ANKS1B: variants seen among roughly 807,000 people sequenced by gnomAD.
ANKS1B encodes ankyrin repeat and sterile alpha motif domain containing 1B, also known as ankyrin repeat and sterile alpha motif domain-containing protein 1B.
In ANKS1B, 36 loss-of-function variants were observed where a neutral mutation model predicts 148.3. The ratio of observed to expected loss-of-function variants is 0.24; its 90% CI spans 0.19 to 0.32. The LOEUF is 0.32. Among genes scored for constraint, ANKS1B ranks in the 10% least tolerant of loss-of-function variants. ANKS1B has a pLI of 1.00. For synonymous variants in ANKS1B, 542 were observed against 560.8 expected (o/e 0.97, Z 0.47); for missense variants, 1,157 against 1,542.6 (o/e 0.75, Z 4.19).
chr12:99,701,415 T>C (rs2054793185), intron 8 of ANKS1B, among the ~76,000 whole-genome samples: 1 of 152,134 alleles, frequency 6.6e-6, no homozygotes, highest in Admixed American at 6.6e-5. Flanking sequence ...GGGTACATAG[T>C]AGGTGTATAT....
At chr12:98,974,592 G>A (rs2099889159) in intron 17 of ANKS1B, among the ~76,000 whole-genome samples, 1 of 148,560 alleles carries the variant, frequency 6.7e-6, no homozygotes, top group Non-Finnish European at 1.5e-5. Flanking sequence ...AGAGAATCAT[G>A]AAGTAGTGCT....
At position 99,806,608 on chromosome 12, in the gene ANKS1B, T is replaced by C. The variant is rs1249094683; in HGVS notation, c.465A>G (p.Thr155=). The change falls in exon 4 of 27, where the codon ACA becomes ACG. Residue 155 remains threonine (T), a synonymous_variant. Transcript: ENST00000683438. The part of the protein sequence containing the change: ...AVLLEELTDP[T]IRNSKLETPL... ...GTGTTTCCAGCTTGCTATTTCTAAT[T>C]GTCGGGTCAGTGAGCTCTTCTAGGA... The C allele has an allele frequency of 6.2e-7, 1 of 1,613,858 alleles. No homozygotes were observed. The highest frequency in any genetic ancestry group is 8.5e-7 in the Non-Finnish European group (1 of 1,179,878).
chr12:99,265,269 C>G (rs1566767468), intron 12 of ANKS1B, among the ~76,000 whole-genome samples: 1 of 152,132 alleles, frequency 6.6e-6, no homozygotes, highest in Non-Finnish European at 1.5e-5. Flanking sequence ...TCTAGAATAT[C>G]TGGGGGTGGG....
rs2099942281 is a variant in ANKS1B, at chr12:99,015,924, C to T, written c.2778+37233G>A. ...AGCTTCAAGTTTGTAGATCTATGGT[C>T]ATTCAGTCTATGACACTGAACACTT... On this transcript the variant is annotated intron_variant, in intron 17 of 26. Transcript: ENST00000683438. 2.6e-5 allele frequency among the ~76,000 whole-genome samples: 4 copies of T among 152,040 alleles called. No individual in the cohort carries two copies. The South Asian group carries it at 6.2e-4, about 24-fold the overall frequency.
intron 14 of ANKS1B, among the ~76,000 whole-genome samples, chr12:99,211,205 T>C (rs2083299664): frequency 6.6e-6 from 1 of 152,182 alleles, no homozygotes; most frequent in Admixed American, 6.5e-5. Context: ...TAGGAAGCCA[T>C]TGGCTAGCAC....
At chr12:99,049,401 C>T (rs2099964528) in intron 17 of ANKS1B, among the ~76,000 whole-genome samples, 1 of 152,006 alleles carries the variant, frequency 6.6e-6, no homozygotes. Flanking sequence ...GCGGGGTAGA[C>T]AGAAGTGTGA....
chr12:99,511,750 A>G (rs1257692790), intron 9 of ANKS1B, among the ~76,000 whole-genome samples: 1 of 152,062 alleles, frequency 6.6e-6, no homozygotes, highest in African/African-American at 2.4e-5. Context: ...GAACTCAGAA[A>G]TAATATCACA....
At chr12:99,820,074 TA>T (rs1442570880) in intron 2 of ANKS1B, among the ~76,000 whole-genome samples, 1 of 143,080 alleles carries the variant, frequency 7.0e-6, no homozygotes, top group Non-Finnish European at 1.5e-5. Flanking sequence ...CTACTCTATC[TA>T]TGGAAATAAT....
rs182102322 is a variant in ANKS1B, at chr12:98,993,204, A to G, written c.2778+59953T>C. Among the ~76,000 whole-genome samples, 32 of 152,142 alleles carry G rather than the reference A, an allele frequency of 2.1e-4. No homozygotes were observed. The East Asian group carries it at 3.5e-3, about 17-fold the overall frequency. ...TTATTTTGAGAGAGAGTCTCATTCC[A>G]TTGCCCAGGCTGAAGTGCAGTGGCA... On this transcript the variant is annotated intron_variant, in intron 17 of 26. Transcript: ENST00000683438.
chr12:99,532,367 T>C (rs879486857), intron 9 of ANKS1B, among the ~76,000 whole-genome samples: 1 of 152,112 alleles, frequency 6.6e-6, no homozygotes, highest in Non-Finnish European at 1.5e-5. Context: ...TGTTTGCTTG[T>C]TTGTTTGTTT....
chr12:99,130,295 G>C (rs1358448543), intron 15 of ANKS1B, among the ~76,000 whole-genome samples: 2 of 152,194 alleles, frequency 1.3e-5, no homozygotes, highest in Non-Finnish European at 2.9e-5. Context: ...TGGTTGGGAA[G>C]CTGGGAGAGT....
intron 12 of ANKS1B, among the ~76,000 whole-genome samples, chr12:99,315,514 T>C (rs2083910713): frequency 6.6e-6 from 1 of 152,150 alleles, no homozygotes; most frequent in Non-Finnish European, 1.5e-5. Flanking sequence ...CACAATGAGA[T>C]ACCATCTCAC....
chr12:99,798,567 C>T (rs566624041), intron 4 of ANKS1B, among the ~76,000 whole-genome samples: 1 of 151,806 alleles, frequency 6.6e-6, no homozygotes. Context: ...TTGTGGGTAT[C>T]TAACTTTTAG....
chr12:98,928,310 A>G (rs1279542717), intron 17 of ANKS1B, among the ~76,000 whole-genome samples: 1 of 151,760 alleles, frequency 6.6e-6, no homozygotes, highest in Non-Finnish European at 1.5e-5. Context: ...ACTTCCCACA[A>G]AGAGAAGTCT....
chr12:99,779,895 G>A lies in ANKS1B; in HGVS notation c.823C>T (p.Leu275Phe). The A allele has an allele frequency of 3.1e-6, 5 of 1,612,618 alleles. No individual in the cohort carries two copies. The highest frequency in any genetic ancestry group is 4.2e-6 in the Non-Finnish European group (5 of 1,179,348). ...ILKEHPSQKS[L>F]QIATLLQEYL... ...CCTTGTAAGAGTGTTGCAATCTGGA[G>A]AGATTTCTGAGATGGATGTTCTTTC... The change falls in exon 6 of 27, where the codon CTC becomes TTC. Residue 275 changes from leucine to phenylalanine, a missense_variant. Physicochemically the swap from Leu to Phe is conservative, Grantham distance 22 (BLOSUM62 0). This residue lies in a region of ANKS1B where 661 missense variants were observed against 642.1 expected (regional missense o/e 1.03). Transcript: ENST00000683438.
At chr12:98,762,847 T>C (rs1374445810) in intron 25 of ANKS1B, among the ~76,000 whole-genome samples, 1 of 152,262 alleles carries the variant, frequency 6.6e-6, no homozygotes, top group Admixed American at 6.5e-5. Flanking sequence ...CTGGTCTCAC[T>C]GGGCTTTGCA....
At chr12:99,230,623 A>C (rs1004451509) in intron 14 of ANKS1B, among the ~76,000 whole-genome samples, 1 of 152,122 alleles carries the variant, frequency 6.6e-6, no homozygotes, top group African/African-American at 2.4e-5. Flanking sequence ...GAAAGATCAA[A>C]ATTTATATTA....
At position 99,403,566 on chromosome 12, in the gene ANKS1B, T is replaced by G. The variant is rs980397111; in HGVS notation, c.1576-3755A>C. 9.0e-5 allele frequency among the ~76,000 whole-genome samples: 13 copies of G among 145,228 alleles called. 1 individual carries two copies. The highest frequency in any genetic ancestry group is 3.4e-4 in the African/African-American group (13 of 38,140). ...TGTCAGGTGAATAGTTTGCAAAAAT[T>G]TTCTCCCCTTCTGTGGGTTGTCTGT... On this transcript the variant is annotated intron_variant, in intron 11 of 26. Coordinates refer to ENST00000683438, the MANE Select transcript of ANKS1B (RefSeq NM_001352186.2).
rs146895954 is a variant in ANKS1B at position 99,330,725 on chromosome 12, C to T, written c.1756+68906G>A. Reference sequence around the variant, plus strand: ...CCAGCATTTATATAGTGAATCTGTTCGGTCTTTCATGCTTCAAGGAGCTAA... The same window carrying T: ...CCAGCATTTATATAGTGAATCTGTTTGGTCTTTCATGCTTCAAGGAGCTAA... On this transcript the variant is annotated intron_variant, in intron 12 of 26. Coordinates refer to ENST00000683438, the MANE Select transcript of ANKS1B (RefSeq NM_001352186.2). 5.8e-3 allele frequency among the ~76,000 whole-genome samples: 885 copies of T among 152,038 alleles called. 6 individuals carry two copies. The highest frequency in any genetic ancestry group is 0.021 in the African/African-American group (852 of 41,518).
Sources: allele counts gnomAD v4.1 joint callset (sites outside exome capture counted in the v4.1 genomes callset), GRCh38; gene constraint gnomAD v4.1.1; regional missense constraint gnomAD v4.1.1; transcripts MANE v1.5; gene names NCBI Gene and HGNC (gene_info 2026-07-23, HGNC 2026-07-21).